The following KLHL29 variants were observed in gnomAD, a reference collection of about 807,000 sequenced individuals.
KLHL29 encodes kelch like family member 29, also known as kelch-like protein 29.
A neutral mutation model predicts 80.4 loss-of-function variants in KLHL29; 21 were observed. The ratio of observed to expected loss-of-function variants is 0.26; its 90% CI spans 0.19 to 0.38. The LOEUF is 0.38. Among genes scored for constraint, KLHL29 ranks in the 10% least tolerant of loss-of-function variants. The pLI is 1.00. For missense variants in KLHL29, 867 were observed against 1,223.9 expected, an observed-to-expected ratio of 0.71 and a Z score of 4.35; for synonymous variants, 511 against 526.8, an observed-to-expected ratio of 0.97 and a Z score of 0.41.
At chr2:23,547,685 A>C (rs1393501351) in intron 2 of KLHL29, among the ~76,000 whole-genome samples, 1 of 152,064 alleles carries the variant, frequency 6.6e-6, no homozygotes, top group African/African-American at 2.4e-5. Flanking sequence ...CCCCCGAGAA[A>C]AACCCCAAAT....
At position 23,703,417 on chromosome 2, in the gene KLHL29, C is replaced by T. The variant is rs978381411; in HGVS notation, c.2299+38C>T. The T allele has an allele frequency of 7.1e-6, 10 of 1,413,038 alleles. No individual in the cohort carries two copies. In the African/African-American group the frequency reaches 8.6e-5, roughly 12 times the overall value. 87.5% of individuals were successfully genotyped at this position (1,413,038 alleles called of 1,614,324 possible). ...GGTGTCCTCAGCCCAGGGCCAGGGT[C>T]GCATCCCTGCCTTGCTGATTTGTTC... On this transcript the variant is annotated intron_variant, in intron 12 of 13. Coordinates refer to ENST00000486442, the MANE Select transcript of KLHL29 (RefSeq NM_052920.2).
At chr2:23,590,468 A>C (rs1450312173) in intron 3 of KLHL29, among the ~76,000 whole-genome samples, 2 of 152,110 alleles carry the variant, frequency 1.3e-5, no homozygotes, top group African/African-American at 4.8e-5. Flanking sequence ...GCCCCTGCCA[A>C]AGTATGTGGG....
At chr2:23,419,530 T>G (rs147487796) in intron 1 of KLHL29, among the ~76,000 whole-genome samples, 21 of 152,316 alleles carry the variant, frequency 1.4e-4, no homozygotes, top group African/African-American at 4.3e-4. Context: ...CTCATCTCTT[T>G]AATCACTGTG....
chr2:23,649,235 C>T (rs1050807927), intron 5 of KLHL29, among the ~76,000 whole-genome samples: 1 of 152,160 alleles, frequency 6.6e-6, no homozygotes, highest in Non-Finnish European at 1.5e-5. Flanking sequence ...TTCCAGCCCC[C>T]ACTCCTGATA....
At chr2:23,582,044 G>A (rs1372524679) in intron 3 of KLHL29, among the ~76,000 whole-genome samples, 2 of 152,086 alleles carry the variant, frequency 1.3e-5, no homozygotes, top group African/African-American at 4.8e-5. Flanking sequence ...TGTGGCCTCA[G>A]ATACCACGCC....
At chr2:23,698,599 G>C (rs1262677110) in intron 11 of KLHL29, among the ~76,000 whole-genome samples, 1 of 152,184 alleles carries the variant, frequency 6.6e-6, no homozygotes, top group African/African-American at 2.4e-5. Context: ...TACAGGAATA[G>C]AGCAAGATTA....
intron 1 of KLHL29, among the ~76,000 whole-genome samples, chr2:23,388,253 A>G (rs561134004): frequency 1.3e-5 from 2 of 152,248 alleles, no homozygotes; most frequent in Non-Finnish European, 2.9e-5. Context: ...AACAAAGACT[A>G]GTAGAGCCCA....
At position 23,696,332 on chromosome 2, in the gene KLHL29, G is replaced by C; in HGVS notation, c.1925-1G>C. On this transcript the variant is annotated splice_acceptor_variant, in intron 10 of 13. Coordinates refer to ENST00000486442, the MANE Select transcript of KLHL29 (RefSeq NM_052920.2). LOFTEE classifies it high-confidence loss of function. The surrounding 1 kb of genome is among the most constrained non-coding windows in gnomAD (Gnocchi z 5.5). ...CTCTCTGCCTCCCACACTGCCTCCAGGTGGGATGGAATCAGGGGTGACGCT... is the reference window on the plus strand; with the variant it reads ...CTCTCTGCCTCCCACACTGCCTCCACGTGGGATGGAATCAGGGGTGACGCT... 1 of 1,551,356 alleles carries C rather than the reference G, an allele frequency of 6.4e-7. No individual in the cohort carries two copies. Among genetic ancestry groups the C allele is most frequent in the Non-Finnish European group, 8.7e-7 (1 of 1,146,830 alleles).
At chr2:23,621,332 C>A (rs879130106) in intron 3 of KLHL29, among the ~76,000 whole-genome samples, 1 of 152,202 alleles carries the variant, frequency 6.6e-6, no homozygotes, top group African/African-American at 2.4e-5. Context: ...TCACATGAGG[C>A]CTAGCAGGGA....
rs1490912546 is a variant in KLHL29 at position 23,540,415 on chromosome 2, C to T, written c.-45-21737C>T. 3.3e-5 allele frequency among the ~76,000 whole-genome samples: 5 copies of T among 152,262 alleles called. No homozygotes were observed. In the South Asian group the frequency reaches 1.0e-3, roughly 31 times the overall value. On this transcript the variant is annotated intron_variant, in intron 2 of 13. Transcript: ENST00000486442. The stretch of plus-strand genomic sequence containing the variant: ...AACACAGATCATAGAAGCGTTTCCA[C>T]CATTGCAGAAAATCGTACTGGCTAG...
intron 1 of KLHL29, among the ~76,000 whole-genome samples, chr2:23,397,735 A>G (rs1023502131): frequency 2.6e-5 from 4 of 152,236 alleles, no homozygotes; most frequent in Non-Finnish European, 5.9e-5. Flanking sequence ...TCAGGCCAGC[A>G]CAGTGGCAAT....
rs115591483 is a variant in KLHL29 at position 23,627,147 on chromosome 2, G to A, written c.286-11992G>A. 7.4e-3 allele frequency among the ~76,000 whole-genome samples: 1,134 copies of A among 152,262 alleles called. 13 individuals carry two copies. The highest frequency in any genetic ancestry group is 0.026 in the African/African-American group (1,082 of 41,546). ...TTCCACCACTGCTTAAGATCTCTCC[G>A]CTGTGCCTCCTGCCGTGGGCCTCCA... is the stretch of plus-strand genomic sequence containing the variant. On this transcript the variant is annotated intron_variant, in intron 3 of 13. Coordinates refer to ENST00000486442, the MANE Select transcript of KLHL29 (RefSeq NM_052920.2).
chr2:23,605,952 T>C (rs1008023435), intron 3 of KLHL29, among the ~76,000 whole-genome samples: 59 of 152,032 alleles, frequency 3.9e-4, no homozygotes, highest in African/African-American at 1.4e-3. Flanking sequence ...GTATTTTTGG[T>C]AGAGATGGGG....
At chr2:23,636,053 G>C (rs937434453) in intron 3 of KLHL29, among the ~76,000 whole-genome samples, 1 of 152,314 alleles carries the variant, frequency 6.6e-6, no homozygotes, top group East Asian at 1.9e-4. Flanking sequence ...CAGGAGCTGG[G>C]CTCAGAGCTG....
rs368129376 is a variant in KLHL29, at chr2:23,425,657, G to A, written c.-154+39877G>A. ...CAGTGTCCCCCCAGACTGCAGCCCCGAAAGGAGCAGCCCTTGGCTGATCCC... is the reference window on the plus strand; with the variant it reads ...CAGTGTCCCCCCAGACTGCAGCCCCAAAAGGAGCAGCCCTTGGCTGATCCC... On this transcript the variant is annotated intron_variant, in intron 1 of 13. Transcript: ENST00000486442. Among the ~76,000 whole-genome samples, 260 of 152,314 alleles carry A rather than the reference G, an allele frequency of 1.7e-3. 1 individual carries two copies. The highest frequency in any genetic ancestry group is 5.3e-3 in the African/African-American group (222 of 41,582).
intron 1 of KLHL29, among the ~76,000 whole-genome samples, chr2:23,417,898 C>T (rs1371636883): frequency 6.6e-6 from 1 of 152,128 alleles, no homozygotes; most frequent in Non-Finnish European, 1.5e-5. Flanking sequence ...TCAGAGAGAC[C>T]ATCTGGGTCT....
chr2:23,599,822 C>G (rs748066302), intron 3 of KLHL29, among the ~76,000 whole-genome samples: 1 of 152,156 alleles, frequency 6.6e-6, no homozygotes, highest in Non-Finnish European at 1.5e-5. Flanking sequence ...TGTGCCCGCC[C>G]GACGCCACGT....
chr2:23,639,363 G>A, intron 4 of KLHL29, 83 bp downstream of exon 4: 1 of 1,390,804 alleles, frequency 7.2e-7, no homozygotes, highest in Non-Finnish European at 9.7e-7. Context: ...CCCAACTCCT[G>A]CACAGCAGGT....
At chr2:23,413,995 A>G (rs1666925592) in intron 1 of KLHL29, among the ~76,000 whole-genome samples, 1 of 152,228 alleles carries the variant, frequency 6.6e-6, no homozygotes, top group Non-Finnish European at 1.5e-5. Context: ...GACGTCTGTG[A>G]ACCCCATGCC....
Sources: allele counts gnomAD v4.1 joint callset (sites outside exome capture counted in the v4.1 genomes callset), GRCh38; gene constraint gnomAD v4.1.1; non-coding constraint Gnocchi (gnomAD v3.1); transcripts MANE v1.5; gene names NCBI Gene and HGNC (gene_info 2026-07-23, HGNC 2026-07-21).